Variants in PPFIA2 observed in about 807,000 individuals in gnomAD.
PPFIA2 encodes the protein liprin-alpha-2.
In PPFIA2, 46 loss-of-function variants were observed where a neutral mutation model predicts 175.5. That is an observed-to-expected ratio of 0.26 (90% confidence interval 0.21 to 0.34). The LOEUF is 0.34. Ranked by LOEUF, PPFIA2 falls within the 10% of genes least tolerant of loss-of-function variation. PPFIA2 has a pLI of 1.00. For synonymous variants in PPFIA2, 568 were observed against 511.4 expected (o/e 1.11, Z -1.49); for missense variants, 1,179 against 1,506.1 (o/e 0.78, Z 3.60).
At chr12:81,515,106 G>GA (rs2062250555) in intron 4 of PPFIA2, among the ~76,000 whole-genome samples, 1 of 151,838 alleles carries the variant, frequency 6.6e-6, no homozygotes, top group South Asian at 2.1e-4. Flanking sequence ...TTTTTACACT[G>GA]AAAAATGAAG....
rs573916905 is a variant in PPFIA2, at chr12:81,361,602, T to C, written c.1637+1091A>G. Among the ~76,000 whole-genome samples, 8 of 151,798 alleles carry C rather than the reference T, an allele frequency of 5.3e-5. No individual in the cohort carries two copies. The South Asian group carries it at 1.7e-3, about 31-fold the overall frequency. ...GAAAAGAATTTAAGACACTTCAGGATTTTTTCAATTTGAATTTTTATTTGA... is the reference window on the plus strand; with the variant it reads ...GAAAAGAATTTAAGACACTTCAGGACTTTTTCAATTTGAATTTTTATTTGA... On this transcript the variant is annotated intron_variant, in intron 15 of 32. Transcript: ENST00000549396.
intron 4 of PPFIA2, among the ~76,000 whole-genome samples, chr12:81,536,170 A>G (rs971363703): frequency 1.3e-5 from 2 of 151,744 alleles, no homozygotes; most frequent in Admixed American, 6.6e-5. Flanking sequence ...CAAAATCACA[A>G]CAAAGCTGAC....
At chr12:81,677,814 A>T (rs564160771) in intron 3 of PPFIA2, among the ~76,000 whole-genome samples, 19 of 152,062 alleles carry the variant, frequency 1.2e-4, no homozygotes, top group African/African-American at 4.3e-4. Flanking sequence ...GGAAATAGGA[A>T]ATGGTGTGAT....
At chr12:81,566,770 G>A (rs2071413427) in intron 4 of PPFIA2, among the ~76,000 whole-genome samples, 1 of 151,998 alleles carries the variant, frequency 6.6e-6, no homozygotes, top group African/African-American at 2.4e-5. Flanking sequence ...TTTTGTTGTT[G>A]TAGAACATGT....
intron 4 of PPFIA2, among the ~76,000 whole-genome samples, chr12:81,631,962 A>C (rs2063442640): frequency 6.6e-6 from 1 of 152,242 alleles, no homozygotes; most frequent in Non-Finnish European, 1.5e-5. Context: ...GACAAATTAA[A>C]TATGTATTAA....
At chr12:81,546,060 G>T (rs2066936187) in intron 4 of PPFIA2, 1 of 144,838 alleles carries the variant, frequency 6.9e-6, no homozygotes, top group Non-Finnish European at 1.5e-5. Flanking sequence ...GGAGGCAGAG[G>T]TTGCAGTGAT....
intron 5 of PPFIA2, among the ~76,000 whole-genome samples, 176 bp from the exon 6 acceptor site, chr12:81,445,896 A>T (rs1371147632): frequency 6.6e-6 from 1 of 152,236 alleles, no homozygotes; most frequent in Non-Finnish European, 1.5e-5. Flanking sequence ...TATAAAATAC[A>T]TTAAAGATAA....
rs369250869 is a variant in PPFIA2 at position 81,474,417 on chromosome 12, A to C, written c.304-16551T>G. Among the ~76,000 whole-genome samples the C allele has an allele frequency of 6.8e-4, 103 of 152,082 alleles. 2 individuals carry two copies. In the East Asian group the frequency reaches 0.019, roughly 28 times the overall value. The stretch of plus-strand genomic sequence containing the variant: ...AGTGATCCACTGGCCTCAGCCTCCC[A>C]AACTGCTGGGATTACAGGCATGCAC... On this transcript the variant is annotated intron_variant, in intron 4 of 32. Coordinates refer to ENST00000549396, the MANE Select transcript of PPFIA2 (RefSeq NM_003625.5).
intron 4 of PPFIA2, among the ~76,000 whole-genome samples, chr12:81,554,296 C>A (rs1207443054): frequency 2.6e-5 from 4 of 151,936 alleles, no homozygotes; most frequent in Admixed American, 2.6e-4. Flanking sequence ...GATGGCAACT[C>A]AAATTTTCCT....
rs866487505 is a variant in PPFIA2, at chr12:81,598,124, A to G, written c.303+78667T>C. The G allele has an allele frequency of 8.6e-6, 13 of 1,509,652 alleles. No homozygotes were observed. The Middle Eastern group carries it at 1.4e-3, about 160-fold the overall frequency. 93.5% of individuals were successfully genotyped at this position (1,509,652 alleles called of 1,614,324 possible). Reference sequence around the variant, plus strand: ...GATAAATCCGTGCATGCATTGAGGGAGACTAGAGGGTAAAATGAAATCTGC... The same window carrying G: ...GATAAATCCGTGCATGCATTGAGGGGGACTAGAGGGTAAAATGAAATCTGC... On this transcript the variant is annotated intron_variant, in intron 4 of 32. Transcript: ENST00000549396.
At chr12:81,648,412 T>C (rs1047024709) in intron 4 of PPFIA2, among the ~76,000 whole-genome samples, 2 of 151,736 alleles carry the variant, frequency 1.3e-5, no homozygotes, top group Non-Finnish European at 2.9e-5. Context: ...AAAGTTAATA[T>C]AAAAAATCAA....
chr12:81,565,045 C>T (rs758751934), intron 4 of PPFIA2, among the ~76,000 whole-genome samples: 7 of 152,062 alleles, frequency 4.6e-5, no homozygotes, highest in Non-Finnish European at 7.4e-5. Context: ...GTGGGAGGAC[C>T]CTGATAAAGC....
chr12:81,312,360 T>G, intron 22 of PPFIA2: 1 of 601,360 alleles, frequency 1.7e-6, no homozygotes, highest in Non-Finnish European at 2.9e-6. Flanking sequence ...TCGAAAAGCA[T>G]AGTCAGGCTG....
intron 4 of PPFIA2, among the ~76,000 whole-genome samples, chr12:81,675,886 T>C (rs190641031): frequency 6.6e-6 from 1 of 152,172 alleles, no homozygotes; most frequent in Non-Finnish European, 1.5e-5. Flanking sequence ...AGAACTATAA[T>C]ACATTTTTTA....
intron 4 of PPFIA2, 170 bp downstream of exon 4, chr12:81,676,621 C>A: frequency 2.5e-6 from 1 of 400,574 alleles, no homozygotes; most frequent in Non-Finnish European, 4.4e-6. Context: ...AATAAAAACA[C>A]CAGCCCACAC....
At chr12:81,343,116 A>G (rs1046619560) in intron 19 of PPFIA2, among the ~76,000 whole-genome samples, 3 of 152,072 alleles carry the variant, frequency 2.0e-5, no homozygotes, top group Admixed American at 6.6e-5. Flanking sequence ...CCTCATCAAT[A>G]AAATGGAAGT....
intron 5 of PPFIA2, among the ~76,000 whole-genome samples, chr12:81,445,989 T>C (rs2051172629): frequency 6.6e-6 from 1 of 152,192 alleles, no homozygotes; most frequent in Non-Finnish European, 1.5e-5. Context: ...TGTAATAATT[T>C]CAGTACGAAT....
intron 19 of PPFIA2, among the ~76,000 whole-genome samples, chr12:81,341,602 A>G (rs2058092642): frequency 6.6e-6 from 1 of 152,128 alleles, no homozygotes; most frequent in South Asian, 2.1e-4. Context: ...ATTAGCTATC[A>G]TTAGTGTTAG....
intron 28 of PPFIA2, among the ~76,000 whole-genome samples, chr12:81,276,273 G>A (rs565076414): frequency 3.9e-5 from 6 of 152,130 alleles, no homozygotes; most frequent in African/African-American, 9.7e-5. Context: ...CAGAAGGGTG[G>A]GAGGCTGGGA....
Sources: allele counts gnomAD v4.1 joint callset (sites outside exome capture counted in the v4.1 genomes callset), GRCh38; gene constraint gnomAD v4.1.1; transcripts MANE v1.5; gene names NCBI Gene and HGNC (gene_info 2026-07-23, HGNC 2026-07-21).